The following SNAP91 variants were observed in gnomAD, a reference collection of about 807,000 sequenced individuals.
SNAP91 encodes synaptosome associated protein 91.
In SNAP91, 27 loss-of-function variants were observed where a neutral mutation model predicts 100.3. That is an observed-to-expected ratio of 0.27 (90% CI 0.20 to 0.37). The LOEUF is 0.37. Among genes scored for constraint, SNAP91 ranks in the 10% least tolerant of loss-of-function variants. The probability of loss-of-function intolerance (pLI) is 1.00; values close to 1 mark genes in which losing one functional copy is unlikely to be tolerated. For missense variants in SNAP91, 986 were observed against 1,123.7 expected (o/e 0.88, Z 1.75); for synonymous variants, 404 against 398.6 (o/e 1.01, Z -0.16).
At chr6:83,644,860 A>ACT (rs2097854168) in intron 7 of SNAP91, among the ~76,000 whole-genome samples, 1 of 152,162 alleles carries the variant, frequency 6.6e-6, no homozygotes, top group Non-Finnish European at 1.5e-5. Flanking sequence ...CATAAGGTTA[A>ACT]CTCCTAGCAC....
At chr6:83,612,827 G>A (rs1438771447) in intron 11 of SNAP91, among the ~76,000 whole-genome samples, 1 of 147,280 alleles carries the variant, frequency 6.8e-6, no homozygotes, top group Non-Finnish European at 1.5e-5. Flanking sequence ...GTGGGTGGAG[G>A]TTGCAGCGAG....
chr6:83,680,163 A>G (rs1024382677), intron 2 of SNAP91, among the ~76,000 whole-genome samples: 3 of 152,134 alleles, frequency 2.0e-5, no homozygotes, highest in Non-Finnish European at 2.9e-5. Context: ...ATTTAGGATT[A>G]AAGAGTTTAT....
intron 11 of SNAP91, among the ~76,000 whole-genome samples, chr6:83,614,395 T>C (rs993045666): frequency 2.0e-5 from 3 of 152,180 alleles, no homozygotes; most frequent in African/African-American, 4.8e-5. Context: ...ATATTCTTCA[T>C]AGCAGACATT....
At chr6:83,640,712 C>G (rs1450663146) in intron 8 of SNAP91, among the ~76,000 whole-genome samples, 1 of 152,034 alleles carries the variant, frequency 6.6e-6, no homozygotes, top group African/African-American at 2.4e-5. Flanking sequence ...CATTTACATG[C>G]TAAGAATAAT....
At chr6:83,618,967 T>A (rs1182176057) in intron 9 of SNAP91, among the ~76,000 whole-genome samples, 1 of 151,836 alleles carries the variant, frequency 6.6e-6, no homozygotes, top group East Asian at 1.9e-4. Flanking sequence ...GGTAATATTT[T>A]CTCCTATTAA....
At chr6:83,618,545 A>G (rs769663741) in intron 9 of SNAP91, among the ~76,000 whole-genome samples, 13 of 151,992 alleles carry the variant, frequency 8.6e-5, no homozygotes, top group Non-Finnish European at 1.3e-4. Context: ...ATTTTGTTAT[A>G]GATACCAGAT....
chr6:83,596,662 T>C (rs1324312776), intron 16 of SNAP91, among the ~76,000 whole-genome samples: 1 of 104,066 alleles, frequency 9.6e-6, no homozygotes, highest in Non-Finnish European at 1.9e-5. Flanking sequence ...AGGTAATGCA[T>C]CTATGTTGAT....
intron 2 of SNAP91, among the ~76,000 whole-genome samples, chr6:83,695,618 C>T (rs142012464): frequency 6.6e-6 from 1 of 152,100 alleles, no homozygotes; most frequent in African/African-American, 2.4e-5. Flanking sequence ...ATTAATATTG[C>T]CAACCCACCC....
chr6:83,595,734 A>ACTTGGGAAGG (rs1461133390), intron 16 of SNAP91, among the ~76,000 whole-genome samples: 1 of 152,140 alleles, frequency 6.6e-6, no homozygotes, highest in Non-Finnish European at 1.5e-5. Context: ...TGTCATATAT[A>ACTTGGGAAGG]CTTGGGAAGG....
chr6:83,599,267 AAGAT>A (rs61495150), intron 16 of SNAP91, among the ~76,000 whole-genome samples: 4,315 of 152,290 alleles, frequency 0.028, 75 homozygotes, highest in East Asian at 0.056. Context: ...TGCAGGAAGT[AAGAT>A]AGAGTTGATT....
intron 7 of SNAP91, among the ~76,000 whole-genome samples, chr6:83,641,936 G>A (rs1232613597): frequency 6.6e-6 from 1 of 152,102 alleles, no homozygotes; most frequent in Non-Finnish European, 1.5e-5. Context: ...CTTGCAATAT[G>A]AGAGTATAAT....
intron 13 of SNAP91, among the ~76,000 whole-genome samples, chr6:83,607,491 T>C (rs542449113): frequency 2.6e-5 from 4 of 152,264 alleles, no homozygotes; most frequent in African/African-American, 7.2e-5. Context: ...CTTTCTCAGT[T>C]TGTGACAACA....
intron 2 of SNAP91, among the ~76,000 whole-genome samples, chr6:83,680,405 T>G (rs2098972342): frequency 6.6e-6 from 1 of 152,196 alleles, no homozygotes; most frequent in Admixed American, 6.6e-5. Context: ...ACTGTCACAT[T>G]CCATCGAAAA....
chr6:83,630,220 T>C (rs1179362040), intron 8 of SNAP91, among the ~76,000 whole-genome samples: 1 of 152,108 alleles, frequency 6.6e-6, no homozygotes, highest in East Asian at 1.9e-4. Flanking sequence ...TGGTGGATTA[T>C]CTTTTTGATA....
chr6:83,590,154 T>C (rs2093522507), intron 22 of SNAP91, among the ~76,000 whole-genome samples: 1 of 152,022 alleles, frequency 6.6e-6, no homozygotes, highest in Non-Finnish European at 1.5e-5. Context: ...AGTGACTGAG[T>C]CCTCTGTGAA....
At position 83,640,201 on chromosome 6, in the gene SNAP91, GA is replaced by G. The variant is rs142819079; in HGVS notation, c.765+894del. On this transcript the variant is annotated intron_variant, in intron 8 of 29. Transcript: ENST00000369694. ...TTCATGTGACAATTATTACTTCTATGAATAAAAGATTTTAAACACAATGCAT... is the reference window on the plus strand; with the variant it reads ...TTCATGTGACAATTATTACTTCTATGATAAAAGATTTTAAACACAATGCAT... Among the ~76,000 whole-genome samples, 954 of 152,184 alleles carry G rather than the reference GA, an allele frequency of 6.3e-3. 10 individuals carry two copies. Among genetic ancestry groups the G allele is most frequent in the African/African-American group, 0.022 (914 of 41,530 alleles).
rs747281708 is a variant in SNAP91, at chr6:83,593,542, G to GGTGGCAGCGGCGGTGGCAGCAGTA, written c.1608_1631dup (p.Ala538_Thr545dup). On this transcript the variant is annotated inframe_insertion, in exon 18 of 30. Transcript: ENST00000369694. ...TGGCAGCGGAGGTGGTGGTAGTGGTGGTGGCAGCGGCGGTGGCAGCAGTAG... is the reference window on the plus strand; with the variant it reads ...TGGCAGCGGAGGTGGTGGTAGTGGTGGTGGCAGCGGCGGTGGCAGCAGTAGTGGCAGCGGCGGTGGCAGCAGTAG... 14 of 1,553,024 alleles carry GGTGGCAGCGGCGGTGGCAGCAGTA rather than the reference G, an allele frequency of 9.0e-6. No individual in the cohort carries two copies. In the South Asian group the frequency reaches 1.4e-4, roughly 16 times the overall value.
intron 28 of SNAP91, among the ~76,000 whole-genome samples, chr6:83,559,363 G>A (rs1783658143): frequency 6.6e-6 from 1 of 152,202 alleles, no homozygotes; most frequent in Non-Finnish European, 1.5e-5. Context: ...TACTGCATGT[G>A]TACTGTCACA....
chr6:83,681,768 C>T (rs954998028), intron 2 of SNAP91, among the ~76,000 whole-genome samples: 1 of 152,116 alleles, frequency 6.6e-6, no homozygotes, highest in Non-Finnish European at 1.5e-5. Context: ...CAACTCTGGA[C>T]ATAATAAGCT....
Sources: gnomAD v4.1 joint callset for allele counts (sites outside exome capture counted in the v4.1 genomes callset) on GRCh38, gnomAD v4.1.1 for gene constraint, MANE v1.5 for transcripts, NCBI Gene and HGNC (gene_info 2026-07-23, HGNC 2026-07-21) for gene names.